SYT1: variants seen among roughly 807,000 people sequenced by gnomAD.
SYT1 encodes synaptotagmin 1.
In SYT1, 8 loss-of-function variants were observed where a neutral mutation model predicts 44.8. The observed-to-expected ratio is 0.18, with a 90% CI of 0.10 to 0.32. The LOEUF (loss-of-function observed/expected upper bound fraction) is 0.32. Among genes scored for constraint, SYT1 ranks in the 10% least tolerant of loss-of-function variants. SYT1 has a pLI of 1.00. For missense variants in SYT1, 286 were observed against 509.3 expected, an observed-to-expected ratio of 0.56 and a Z score of 4.22; for synonymous variants, 154 against 188.8, an observed-to-expected ratio of 0.82 and a Z score of 1.51.
intron 8 of SYT1, among the ~76,000 whole-genome samples, chr12:79,340,020 A>G (rs1411316216): frequency 2.0e-5 from 3 of 152,000 alleles, no homozygotes; most frequent in Admixed American, 2.0e-4. Flanking sequence ...GTTCTGTTCC[A>G]TTGGTCTATA....
intron 2 of SYT1, among the ~76,000 whole-genome samples, chr12:79,031,720 T>C (rs1403825114): frequency 6.6e-6 from 1 of 151,036 alleles, no homozygotes; most frequent in Non-Finnish European, 1.5e-5. Flanking sequence ...GTTTGAGGTG[T>C]AGTAATTATC....
intron 2 of SYT1, among the ~76,000 whole-genome samples, chr12:79,022,028 T>C (rs61928975): frequency 0.16 from 24,322 of 151,530 alleles, 2,335 homozygotes; most frequent in African/African-American, 0.27. Flanking sequence ...AACTACAACA[T>C]TTCTAAGTTC....
intron 2 of SYT1, among the ~76,000 whole-genome samples, chr12:78,984,896 A>AGGT (rs1245240115): frequency 2.0e-5 from 3 of 151,984 alleles, no homozygotes; most frequent in African/African-American, 7.2e-5. Context: ...ATTAACAGGA[A>AGGT]GGTGGAAAGA....
rs201906823 is a variant in SYT1 at position 78,931,465 on chromosome 12, A to AAAAGAAAG, written c.-216-46320_-216-46313dup. Among the ~76,000 whole-genome samples, 465 of 144,314 alleles carry AAAAGAAAG rather than the reference A, an allele frequency of 3.2e-3. 9 individuals carry two copies. Among genetic ancestry groups the AAAAGAAAG allele is most frequent in the East Asian group, 0.017 (74 of 4,438 alleles). 94.7% of individuals were successfully genotyped at this position (144,314 alleles called of 152,430 possible). A position where few individuals can be genotyped will look rare whatever the true frequency, so the allele number is the denominator to read the frequency against. ...AGAAATAGAGAGAGAGAAAGAAAGA[A>AAAAGAAAG]AAAGAAAGAAAGAAAGAAAGAGAAA... On this transcript the variant is annotated intron_variant, in intron 1 of 10. Transcript: ENST00000261205.
At position 79,448,978 on chromosome 12, in the gene SYT1, G is replaced by A. The variant is rs1870887363; in HGVS notation, c.1123G>A (p.Gly375Ser). The A allele has an allele frequency of 6.2e-7, 1 of 1,614,070 alleles. No homozygotes were observed. The change falls in exon 11 of 11, where the codon GGC (glycine) becomes AGC (serine). Residue 375 changes from glycine (G) to serine (S), a missense_variant. Around this residue, in one of 6 missense-constraint regions of SYT1, gnomAD observed 1 missense variants for 18.9 expected, o/e 0.05. Coordinates refer to ENST00000261205, the MANE Select transcript of SYT1 (RefSeq NM_005639.3). Reference protein sequence around the residue: ...YDKIGKNDAIGKVFVGYNSTG... With the variant: ...YDKIGKNDAISKVFVGYNSTG... ...CAAGATTGGCAAGAACGATGCCATC[G>A]GCAAAGTCTTTGTGGGCTACAACAG... is the stretch of plus-strand genomic sequence containing the variant.
At chr12:79,217,849 G>T (rs1439651618) in intron 4 of SYT1, among the ~76,000 whole-genome samples, 164 bp downstream of exon 4, 1 of 151,632 alleles carries the variant, frequency 6.6e-6, no homozygotes, top group Non-Finnish European at 1.5e-5. Context: ...CTTGGAAATG[G>T]AATATTCTTC....
chr12:78,917,553 A>G (rs1876736253), intron 1 of SYT1, among the ~76,000 whole-genome samples: 2 of 152,038 alleles, frequency 1.3e-5, no homozygotes, highest in African/African-American at 4.8e-5. Flanking sequence ...TGGCACAAGT[A>G]TACATATGTA....
chr12:79,409,951 A>T (rs1014764108), intron 9 of SYT1, among the ~76,000 whole-genome samples: 7 of 152,136 alleles, frequency 4.6e-5, no homozygotes, highest in African/African-American at 1.4e-4. Context: ...TGTTCACTTC[A>T]CTTCTAATAA....
At position 79,445,988 on chromosome 12, in the gene SYT1, G is replaced by GAC. The variant is rs1224070058; in HGVS notation, c.1062+1784_1062+1785dup. Among the ~76,000 whole-genome samples, 336 of 46,918 alleles carry GAC rather than the reference G, an allele frequency of 7.2e-3. 1 individual carries two copies. Among genetic ancestry groups the GAC allele is most frequent in the Non-Finnish European group, 0.011 (257 of 23,606 alleles). The allele number at this position is 46,918 out of a possible 152,430, so 30.8% of individuals were successfully genotyped here. ...TTCTTCATGGAAACATTAATCCAAA[G>GAC]ACATATATATATATATATATATATA... On this transcript the variant is annotated intron_variant, in intron 10 of 10. Coordinates refer to ENST00000261205, the MANE Select transcript of SYT1 (RefSeq NM_005639.3).
At chr12:79,113,582 T>C (rs1879128115) in intron 3 of SYT1, among the ~76,000 whole-genome samples, 2 of 152,114 alleles carry the variant, frequency 1.3e-5, no homozygotes, top group Non-Finnish European at 2.9e-5. Flanking sequence ...TACCTAAAAA[T>C]AAAACCTATT....
chr12:78,932,835 T>C (rs910740152), intron 1 of SYT1, among the ~76,000 whole-genome samples: 2 of 152,200 alleles, frequency 1.3e-5, no homozygotes, highest in African/African-American at 4.8e-5. Context: ...CTAAGTCAGT[T>C]CTTGTATTAA....
At chr12:79,196,093 T>C (rs115008482) in intron 3 of SYT1, among the ~76,000 whole-genome samples, 235 of 152,290 alleles carry the variant, frequency 1.5e-3, no homozygotes, top group African/African-American at 5.3e-3. Flanking sequence ...AGTTAAGACA[T>C]ACTAAGAAAC....
intron 3 of SYT1, among the ~76,000 whole-genome samples, chr12:79,189,189 A>G (rs1462921606): frequency 6.6e-6 from 1 of 152,154 alleles, no homozygotes; most frequent in African/African-American, 2.4e-5. Flanking sequence ...GGCTCAAGCT[A>G]TTTCTTAAAA....
At chr12:78,923,541 A>G (rs1877124966) in intron 1 of SYT1, among the ~76,000 whole-genome samples, 1 of 149,674 alleles carries the variant, frequency 6.7e-6, no homozygotes, top group Non-Finnish European at 1.5e-5. Context: ...ATTGAACTAC[A>G]TTATAGAACT....
chr12:79,027,226 T>A (rs1017028380), intron 2 of SYT1, among the ~76,000 whole-genome samples: 4 of 151,548 alleles, frequency 2.6e-5, no homozygotes, highest in African/African-American at 9.7e-5. Context: ...TCTGCTGAAA[T>A]ATCTTTCCAG....
chr12:79,260,044 A>G (rs571794218), intron 4 of SYT1, among the ~76,000 whole-genome samples: 2 of 152,292 alleles, frequency 1.3e-5, no homozygotes, highest in East Asian at 1.9e-4. Flanking sequence ...ATTTTGATCA[A>G]TTTCAGTCAG....
chr12:79,334,396 A>G (rs145305107), intron 8 of SYT1, among the ~76,000 whole-genome samples: 2 of 152,168 alleles, frequency 1.3e-5, no homozygotes, highest in Admixed American at 1.3e-4. Flanking sequence ...CAAGTGCTAT[A>G]CTGAGGGTTT....
At chr12:79,209,761 A>G (rs1314862081) in intron 3 of SYT1, among the ~76,000 whole-genome samples, 4 of 152,172 alleles carry the variant, frequency 2.6e-5, no homozygotes, top group African/African-American at 9.7e-5. Flanking sequence ...GCCCTCACTT[A>G]CGGATTCTAC....
intron 2 of SYT1, among the ~76,000 whole-genome samples, chr12:79,045,994 A>G (rs1190753014): frequency 6.6e-6 from 1 of 152,096 alleles, no homozygotes; most frequent in East Asian, 1.9e-4. Flanking sequence ...TTTTTGTTTT[A>G]ATAAAAAAGA....
Sources: gnomAD v4.1 joint callset for allele counts (sites outside exome capture counted in the v4.1 genomes callset) on GRCh38, gnomAD v4.1.1 for gene constraint, gnomAD v4.1.1 regional missense constraint, MANE v1.5 for transcripts, NCBI Gene and HGNC (gene_info 2026-07-23, HGNC 2026-07-21) for gene names.